Variants in TJP2 observed in about 807,000 individuals in gnomAD.
TJP2 encodes Friedreich ataxia region gene X104 (tight junction protein ZO-2).
TJP2 carries 91 observed loss-of-function variants against 133.1 expected under a neutral mutation model. The ratio of observed to expected loss-of-function variants is 0.68; its 90% confidence interval spans 0.58 to 0.81. The LOEUF (loss-of-function observed/expected upper bound fraction) is 0.81, where lower values mean the gene tolerates loss of function less well. Among genes scored for constraint, TJP2 ranks in the 40% least tolerant of loss-of-function variants. TJP2 has a pLI of 0.00. For synonymous variants in TJP2, 592 were observed against 583.4 expected (o/e 1.01, Z -0.21); for missense variants, 1,541 against 1,565.6 (o/e 0.98, Z 0.26).
At chr9:69,201,752 A>G (rs1167667641) in intron 1 of TJP2, among the ~76,000 whole-genome samples, 4 of 152,194 alleles carry the variant, frequency 2.6e-5, no homozygotes, top group Non-Finnish European at 4.4e-5. Context: ...TGTCATATAC[A>G]TACAATGGAA....
chr9:69,209,520 G>A (rs1282557405), intron 1 of TJP2, among the ~76,000 whole-genome samples: 3 of 151,918 alleles, frequency 2.0e-5, no homozygotes, highest in Non-Finnish European at 4.4e-5. Context: ...TTGGGAGGCC[G>A]AGGTGGGCGG....
chr9:69,230,247 G>C lies in TJP2; in HGVS notation c.1671+15G>C, dbSNP rs1398797998. 1 of 1,613,912 alleles carries C rather than the reference G, an allele frequency of 6.2e-7. No individual in the cohort carries two copies. Among genetic ancestry groups the C allele is most frequent in the Non-Finnish European group, 8.5e-7 (1 of 1,179,974 alleles). ...AGATTCTGAAGGTAAGAACAGCCCAGCTCTGTTTCTAGAAGTTACTTGTAA... is the reference window on the plus strand; with the variant it reads ...AGATTCTGAAGGTAAGAACAGCCCACCTCTGTTTCTAGAAGTTACTTGTAA... On this transcript the variant is annotated intron_variant, in intron 11 of 22. Coordinates refer to ENST00000377245, the MANE Select transcript of TJP2 (RefSeq NM_004817.4).
intron 17 of TJP2, among the ~76,000 whole-genome samples, chr9:69,241,675 A>G (rs1260570716): frequency 6.6e-6 from 1 of 152,172 alleles, no homozygotes; most frequent in Non-Finnish European, 1.5e-5. Context: ...TTTTACTACT[A>G]GTATTATAAT....
chr9:69,126,074 T>G lies in TJP2; in HGVS notation c.-131+4349T>G, dbSNP rs1335488847. Among the ~76,000 whole-genome samples the G allele has an allele frequency of 5.2e-5, 4 of 76,564 alleles. 2 individuals are homozygous for G. The highest frequency in any genetic ancestry group is 1.2e-4 in the Non-Finnish European group (4 of 33,324). The allele number at this position is 76,564 out of a possible 152,430, so 50.2% of individuals were successfully genotyped here. A position where few individuals can be genotyped will look rare whatever the true frequency, so the allele number is the denominator to read the frequency against. ...GGGTCTTCTTGCTTGAAACCATGGT[T>G]CTTTTCCTGGTCCTCCCATTGTAGA... On this transcript the variant is annotated intron_variant, in intron 1 of 5. Coordinates refer to the TJP2 transcript ENST00000423935.
At position 69,174,376 on chromosome 9, in the gene TJP2, C is replaced by G. The variant is rs779063663; in HGVS notation, c.4C>G (p.Pro2Ala). 1 of 1,551,718 alleles carries G rather than the reference C, an allele frequency of 6.4e-7. No homozygotes were observed. Among genetic ancestry groups the G allele is most frequent in the East Asian group, 2.4e-5 (1 of 41,034 alleles). Residue 2 changes from proline (P) to alanine (A), a missense_variant, in exon 1 of 23, where the codon CCG (proline) becomes GCG (alanine). By Grantham distance (27) the Pro-to-Ala change is conservative. Coordinates refer to ENST00000377245, the MANE Select transcript of TJP2 (RefSeq NM_004817.4). M[P>A]VRGDRGFPPR... is the part of the protein sequence containing the mutation. ...CTACGCGGGACCTGTGTCCGAAATG[C>G]CGGTGCGAGGAGACCGCGGGTTTCC... is the stretch of plus-strand genomic sequence containing the variant.
At chr9:69,253,034 C>A in intron 22 of TJP2, 134 bp downstream of exon 22, 1 of 753,494 alleles carries the variant, frequency 1.3e-6, no homozygotes, top group Non-Finnish European at 2.2e-6. Context: ...GTTTGCCTTA[C>A]TCATTCCATC....
chr9:69,192,687 T>G (rs1328867758), intron 1 of TJP2, among the ~76,000 whole-genome samples: 3 of 152,182 alleles, frequency 2.0e-5, no homozygotes, highest in African/African-American at 4.8e-5. Flanking sequence ...AGTAAACATT[T>G]CTGTTGCATA....
chr9:69,244,184 GAAAAAAAAAAA>G (rs35047206), intron 17 of TJP2, among the ~76,000 whole-genome samples: 1 of 58,342 alleles, frequency 1.7e-5, no homozygotes, highest in Non-Finnish European at 3.4e-5. Flanking sequence ...CCTGTCTCAG[GAAAAAAAAAAA>G]AAAAAAAAAA....
At chr9:69,208,399 T>C (rs747166273) in intron 1 of TJP2, among the ~76,000 whole-genome samples, 4 of 152,150 alleles carry the variant, frequency 2.6e-5, no homozygotes, top group Non-Finnish European at 5.9e-5. Flanking sequence ...GTGGTGGTAG[T>C]GGTAGGAGAT....
At chr9:69,159,566 T>A (rs7854933) in intron 2 of TJP2, among the ~76,000 whole-genome samples, 2 of 152,054 alleles carry the variant, frequency 1.3e-5, no homozygotes, top group Non-Finnish European at 2.9e-5. Context: ...TCTGATAGCT[T>A]TAGCTCAGCA....
chr9:69,240,788 G>A (rs1321541951), intron 17 of TJP2, among the ~76,000 whole-genome samples: 3 of 150,342 alleles, frequency 2.0e-5, no homozygotes, highest in South Asian at 4.2e-4. Context: ...GTGACTGAGT[G>A]AGACCCTGTC....
At chr9:69,221,895 T>G (rs1290535963) in intron 5 of TJP2, among the ~76,000 whole-genome samples, 1 of 135,664 alleles carries the variant, frequency 7.4e-6, no homozygotes, top group East Asian at 2.2e-4. Context: ...GACGGAGTCT[T>G]GAGTCTTGTT....
chr9:69,178,618 G>C lies in TJP2; in HGVS notation c.60+4186G>C, dbSNP rs1215327262. Among the ~76,000 whole-genome samples, 4 of 152,216 alleles carry C rather than the reference G, an allele frequency of 2.6e-5. No homozygotes were observed. The East Asian group carries it at 7.7e-4, about 29-fold the overall frequency. On this transcript the variant is annotated intron_variant, in intron 1 of 22. Coordinates refer to ENST00000377245, the MANE Select transcript of TJP2 (RefSeq NM_004817.4). ...GAAAGTTGAATTTGATGGACTTTCT[G>C]TCTTAAGCGTGTGCATCCTGCTCTT...
intron 4 of TJP2, among the ~76,000 whole-genome samples, chr9:69,220,257 G>C (rs572842853): frequency 6.6e-6 from 1 of 152,290 alleles, no homozygotes; most frequent in South Asian, 2.1e-4. Flanking sequence ...ACATTAATAT[G>C]ATTTGTAAAA....
intron 1 of TJP2, among the ~76,000 whole-genome samples, chr9:69,148,394 C>T (rs1408928449): frequency 5.0e-5 from 7 of 141,022 alleles, no homozygotes; most frequent in Non-Finnish European, 6.1e-5. Flanking sequence ...TTTTTTGAGA[C>T]GGAGTCACAC....
At chr9:69,248,428 G>A in intron 19 of TJP2, 1 of 1,426,186 alleles carries the variant, frequency 7.0e-7, no homozygotes. Context: ...CTTCAGAAGA[G>A]CTTGAGGGGT....
intron 1 of TJP2, among the ~76,000 whole-genome samples, chr9:69,197,536 G>A (rs10481783): frequency 5.8e-4 from 89 of 152,152 alleles, no homozygotes; most frequent in African/African-American, 2.1e-3. Flanking sequence ...CCATGTGTTC[G>A]TAATGCTCTT....
intron 9 of TJP2, 97 bp downstream of exon 9, chr9:69,228,211 G>A (rs904645868): frequency 1.2e-5 from 18 of 1,454,096 alleles, no homozygotes; most frequent in South Asian, 8.6e-5. Context: ...TTGCAGCCAC[G>A]TGGATGCAGC....
chr9:69,125,004 G>A lies in TJP2; in HGVS notation c.-131+3279G>A, dbSNP rs1366514079. 5.2e-5 allele frequency among the ~76,000 whole-genome samples: 4 copies of A among 76,780 alleles called. 1 individual carries two copies. The highest frequency in any genetic ancestry group is 1.6e-4 in the African/African-American group (4 of 24,988). The allele number at this position is 76,780 out of a possible 152,430, so 50.4% of individuals were successfully genotyped here. A position where few individuals can be genotyped will look rare whatever the true frequency, so the allele number is the denominator to read the frequency against. On this transcript the variant is annotated intron_variant, in intron 1 of 5. Coordinates refer to the TJP2 transcript ENST00000423935. The stretch of plus-strand genomic sequence containing the variant: ...TTTCGCTCTTGTCACCCAGGCTGGA[G>A]TGCAACGGCGCGATCTTGGCTTACT...
Sources: gnomAD v4.1 joint callset for allele counts (sites outside exome capture counted in the v4.1 genomes callset) on GRCh38, gnomAD v4.1.1 for gene constraint, MANE v1.5 for transcripts, NCBI Gene and HGNC (gene_info 2026-07-23, HGNC 2026-07-21) for gene names.